The following ADGRG2 variants were observed in gnomAD, a reference collection of about 807,000 sequenced individuals.
The protein encoded by ADGRG2 is adhesion G protein-coupled receptor G2, also known as G protein-coupled receptor 64.
Under a neutral mutation model 74.1 loss-of-function variants are expected in ADGRG2, and 26 were observed. That is an observed-to-expected ratio of 0.35 (90% CI 0.26 to 0.49). The LOEUF (loss-of-function observed/expected upper bound fraction) is 0.49, where lower values mean the gene tolerates loss of function less well. ADGRG2 is among the 20% of genes least tolerant of loss of function. The pLI is 0.99. For synonymous variants in ADGRG2, 296 were observed against 295.2 expected (o/e 1.00, Z -0.03); for missense variants, 619 against 763.1 (o/e 0.81, Z 2.22).
chrX:19,080,068 C>G (rs1355062525), intron 2 of ADGRG2, among the ~76,000 whole-genome samples: 1 of 110,208 alleles, frequency 9.1e-6, no homozygotes, highest in African/African-American at 3.3e-5. Context: ...TGCCACCACA[C>G]CTGGCTAATT....
At chrX:19,093,070 T>C (rs1001195062) in intron 1 of ADGRG2, among the ~76,000 whole-genome samples, 2 of 111,824 alleles carry the variant, frequency 1.8e-5, no homozygotes, top group African/African-American at 6.5e-5. Flanking sequence ...TGTTTTATTC[T>C]GAAATCTCAT....
chrX:19,011,888 C>T (rs1021697143), intron 16 of ADGRG2, among the ~76,000 whole-genome samples: 2 of 111,930 alleles, frequency 1.8e-5, no homozygotes, highest in African/African-American at 6.5e-5. Flanking sequence ...GGACTATCAC[C>T]TGTAAGTCTG....
At chrX:19,106,406 G>A (rs1049950370) in intron 1 of ADGRG2, among the ~76,000 whole-genome samples, 10 of 110,797 alleles carry the variant, frequency 9.0e-5, no homozygotes, top group African/African-American at 2.6e-4. Flanking sequence ...GGAAGTGTGC[G>A]ATAGTGAAGC....
At chrX:19,010,979 G>A (rs1000300321) in intron 16 of ADGRG2, among the ~76,000 whole-genome samples, 5 of 111,838 alleles carry the variant, frequency 4.5e-5, no homozygotes, top group Admixed American at 2.9e-4. Flanking sequence ...GAAACAACCC[G>A]AATGTCCATG....
intron 26 of ADGRG2, among the ~76,000 whole-genome samples, chrX:18,996,556 A>G (rs2060022230): frequency 9.2e-6 from 1 of 108,850 alleles, no homozygotes; most frequent in Non-Finnish European, 1.9e-5. Context: ...GTCAAATGCC[A>G]TCTCCTCCAC....
chrX:18,997,705 C>G (rs1477532713), intron 26 of ADGRG2, among the ~76,000 whole-genome samples: 1 of 111,963 alleles, frequency 8.9e-6, no homozygotes, highest in African/African-American at 3.3e-5. Flanking sequence ...AAATAAGAAC[C>G]AACAACCAAA....
intron 2 of ADGRG2, among the ~76,000 whole-genome samples, chrX:19,073,867 C>A (rs2061691539): frequency 9.0e-6 from 1 of 111,694 alleles, no homozygotes; most frequent in Non-Finnish European, 1.9e-5. Flanking sequence ...CTAGAAAACT[C>A]TATGCTTTTG....
At chrX:19,096,410 TA>T (rs756410342) in intron 1 of ADGRG2, among the ~76,000 whole-genome samples, 858 of 75,192 alleles carry the variant, frequency 0.011, 16 homozygotes, top group African/African-American at 0.036. Flanking sequence ...AGACTCTATC[TA>T]AAAAAAAAAA....
chrX:19,100,181 A>AT (rs2062164638), intron 1 of ADGRG2, among the ~76,000 whole-genome samples: 1 of 112,898 alleles, frequency 8.9e-6, no homozygotes, highest in South Asian at 3.7e-4. Context: ...CTCAGATGAC[A>AT]TCGTGTTCCT....
rs753302263 is a variant in ADGRG2, at chrX:19,088,213, C to T, written c.-46-5467G>A. On this transcript the variant is annotated intron_variant, in intron 1 of 28. Transcript: ENST00000379869. Reference sequence around the variant, plus strand: ...TTAATTTACTATTTCACAAAAAGAACACTTATATACTTGATTTTTTAAATG... The same window carrying T: ...TTAATTTACTATTTCACAAAAAGAATACTTATATACTTGATTTTTTAAATG... Among the ~76,000 whole-genome samples the T allele has an allele frequency of 1.0e-3, 114 of 112,610 alleles. 3 individuals are homozygous for T. Among genetic ancestry groups the T allele is most frequent in the Middle Eastern group, 4.6e-3 (1 of 217 alleles).
intron 1 of ADGRG2, among the ~76,000 whole-genome samples, chrX:19,112,677 G>C (rs1430970388): frequency 9.4e-6 from 1 of 106,833 alleles, no homozygotes; most frequent in Non-Finnish European, 1.9e-5. Context: ...GGCCGGGTAA[G>C]GTGGCTCACA....
In ADGRG2 at chrX:19,007,225, C is replaced by T; in HGVS notation, c.1689+10G>A. On this transcript the variant is annotated intron_variant, in intron 20 of 28. Transcript: ENST00000379869. ...TGGTCAATGAACAGACGGCACTGGC[C>T]TCTCCCCACCTGGCTCGGGTTGATG... 8.3e-7 allele frequency: 1 copy of T among 1,209,666 alleles called. No individual in the cohort carries two copies. The highest frequency in any genetic ancestry group is 1.1e-6 in the Non-Finnish European group (1 of 893,805).
Position 19,008,084 on chromosome X carries a change from T to C in ADGRG2, c.1462A>G (p.Thr488Ala). The C allele has an allele frequency of 8.4e-7, 1 of 1,193,384 alleles. No individual in the cohort carries two copies. The highest frequency in any genetic ancestry group is 1.1e-6 in the Non-Finnish European group (1 of 880,924). Residue 488 changes from threonine to alanine, a missense_variant, in exon 19 of 29, where the codon ACA becomes GCA. This residue lies in a region of ADGRG2 where 221 missense variants were observed against 340.6 expected (regional missense o/e 0.65). Coordinates refer to ENST00000379869, the MANE Select transcript of ADGRG2 (RefSeq NM_001079858.3). The part of the protein sequence containing the change: ...ETQAPENSIG[T>A]ITLPSSLMNN... ...ATCAGCGATGAAGGAAGAGTAATTG[T>C]GCCAATACTGTTCTCAGGAGCTTGG...
intron 24 of ADGRG2, 81 bp downstream of exon 24, chrX:19,002,765 C>G (rs1226665129): frequency 9.5e-6 from 9 of 952,060 alleles, no homozygotes; most frequent in African/African-American, 1.9e-5. Context: ...TCTGCTTCAT[C>G]GTTTCCACCT....
At chrX:19,050,239 T>C (rs961285254) in intron 3 of ADGRG2, among the ~76,000 whole-genome samples, 3 of 111,351 alleles carry the variant, frequency 2.7e-5, no homozygotes, top group African/African-American at 9.8e-5. Context: ...CCTTCTAGAA[T>C]TGTCTCTAGG....
At chrX:19,008,405 C>T (rs2060281087) in intron 18 of ADGRG2, among the ~76,000 whole-genome samples, 2 of 111,600 alleles carry the variant, frequency 1.8e-5, no homozygotes, top group Non-Finnish European at 3.8e-5. Flanking sequence ...GCGGCTCACA[C>T]CTGTAATCCC....
chrX:19,083,963 A>C (rs1373629385), intron 1 of ADGRG2, among the ~76,000 whole-genome samples: 1 of 112,327 alleles, frequency 8.9e-6, no homozygotes, highest in Non-Finnish European at 1.9e-5. Context: ...TATATACCCA[A>C]AGGAATAGAA....
chrX:19,056,105 C>T (rs1204397242), intron 3 of ADGRG2, among the ~76,000 whole-genome samples: 2 of 110,886 alleles, frequency 1.8e-5, no homozygotes, highest in African/African-American at 3.3e-5. Context: ...TTGGCCAGCA[C>T]TCAGTTACAC....
At chrX:19,005,552 CTCTT>C (rs2060211748) in intron 22 of ADGRG2, among the ~76,000 whole-genome samples, 2 of 103,943 alleles carry the variant, frequency 1.9e-5, no homozygotes, top group Admixed American at 1.0e-4. Flanking sequence ...GAATCTCTCT[CTCTT>C]TTTTTTTTTT....
Sources: allele counts gnomAD v4.1 joint callset (sites outside exome capture counted in the v4.1 genomes callset), GRCh38; gene constraint gnomAD v4.1.1; regional missense constraint gnomAD v4.1.1; transcripts MANE v1.5; gene names NCBI Gene and HGNC (gene_info 2026-07-23, HGNC 2026-07-21).